CCDC60: variants seen among roughly 807,000 people sequenced by gnomAD.
CCDC60 encodes the protein coiled-coil domain-containing protein 60.
CCDC60 carries 54 observed loss-of-function variants against 63.5 expected under a neutral mutation model. The observed-to-expected ratio is 0.85, with a 90% CI of 0.68 to 1.07. The LOEUF is 1.07. CCDC60 is among the 50% of genes least tolerant of loss of function. CCDC60 has a pLI of 0.00. For synonymous variants in CCDC60, 206 were observed against 238.8 expected, an observed-to-expected ratio of 0.86 and a Z score of 1.27; for missense variants, 651 against 684.3, an observed-to-expected ratio of 0.95 and a Z score of 0.54.
intron 1 of CCDC60, among the ~76,000 whole-genome samples, chr12:119,345,071 G>A (rs1350065637): frequency 6.6e-6 from 1 of 152,116 alleles, no homozygotes; most frequent in Non-Finnish European, 1.5e-5. Flanking sequence ...AAACATGGTG[G>A]CTTTTTTGTT....
chr12:119,445,190 T>C (rs1328723453), intron 2 of CCDC60, among the ~76,000 whole-genome samples: 6 of 151,884 alleles, frequency 4.0e-5, no homozygotes, highest in African/African-American at 1.4e-4. Flanking sequence ...TCCCAGCAAT[T>C]TGGGAGGCCG....
chr12:119,481,235 A>C (rs1372333777), intron 4 of CCDC60, among the ~76,000 whole-genome samples: 1 of 152,166 alleles, frequency 6.6e-6, no homozygotes, highest in Non-Finnish European at 1.5e-5. Context: ...CTGGCAGCCT[A>C]AGCTTGATGT....
In CCDC60 at chr12:119,518,098, AT is replaced by A. The variant is rs539957478; in HGVS notation, c.968+1393del. ...CCTCGCCTCTGCTTGTGAATGATGA[AT>A]TCGCTGGCTGCTGCCTCAACTCTCA... On this transcript the variant is annotated intron_variant, in intron 8 of 13. Transcript: ENST00000327554. Among the ~76,000 whole-genome samples the A allele has an allele frequency of 4.6e-5, 7 of 152,270 alleles. No individual in the cohort carries two copies. In the East Asian group the frequency reaches 1.2e-3, roughly 25 times the overall value.
intron 1 of CCDC60, among the ~76,000 whole-genome samples, chr12:119,387,463 A>T (rs1956080682): frequency 6.6e-6 from 1 of 152,210 alleles, no homozygotes; most frequent in South Asian, 2.1e-4. Context: ...TTGTGTTGCT[A>T]AAAGGACAAA....
At chr12:119,416,833 A>G (rs1238493755) in intron 1 of CCDC60, among the ~76,000 whole-genome samples, 1 of 152,060 alleles carries the variant, frequency 6.6e-6, no homozygotes, top group Non-Finnish European at 1.5e-5. Flanking sequence ...TTATAAAGAG[A>G]TTCCCGGCCG....
At chr12:119,382,822 C>A (rs1170493205) in intron 1 of CCDC60, among the ~76,000 whole-genome samples, 2 of 152,134 alleles carry the variant, frequency 1.3e-5, no homozygotes, top group African/African-American at 4.8e-5. Flanking sequence ...ACATGCCGGG[C>A]CACCAAGCTG....
intron 1 of CCDC60, among the ~76,000 whole-genome samples, chr12:119,360,943 G>C (rs1052552965): frequency 6.6e-6 from 1 of 152,168 alleles, no homozygotes; most frequent in African/African-American, 2.4e-5. Context: ...AGACCAGCCC[G>C]GCCAACACAA....
At chr12:119,341,236 G>A (rs1487086002) in intron 1 of CCDC60, among the ~76,000 whole-genome samples, 1 of 152,130 alleles carries the variant, frequency 6.6e-6, no homozygotes, top group Non-Finnish European at 1.5e-5. Context: ...TGCAGGGAAG[G>A]AGTGTGTTCA....
chr12:119,415,971 C>T, intron 1 of CCDC60, among the ~76,000 whole-genome samples: 1 of 152,102 alleles, frequency 6.6e-6, no homozygotes, highest in East Asian at 1.9e-4. Context: ...GGGTACTGAG[C>T]TCTCCCACTT....
intron 1 of CCDC60, among the ~76,000 whole-genome samples, chr12:119,401,441 C>A (rs111648095): frequency 6.6e-6 from 1 of 152,198 alleles, no homozygotes; most frequent in Non-Finnish European, 1.5e-5. Flanking sequence ...GGCTGGGGAT[C>A]TACTGCAAGA....
chr12:119,402,414 A>G (rs1253170916), intron 1 of CCDC60: 5 of 152,118 alleles, frequency 3.3e-5, no homozygotes, highest in African/African-American at 1.2e-4. Context: ...AGCTTCTCTG[A>G]GTCTTAGATT....
chr12:119,421,553 T>C (rs1956813668), intron 1 of CCDC60, among the ~76,000 whole-genome samples: 2 of 152,200 alleles, frequency 1.3e-5, no homozygotes, highest in Admixed American at 1.3e-4. Context: ...GGAATAATAA[T>C]ATGGCAAGGA....
intron 1 of CCDC60, among the ~76,000 whole-genome samples, chr12:119,372,871 T>C (rs527709642): frequency 1.1e-4 from 16 of 152,332 alleles, no homozygotes; most frequent in Non-Finnish European, 7.3e-5. Context: ...ATTTCAATAG[T>C]GCATTAGGAA....
At chr12:119,459,793 T>A (rs987225518) in intron 2 of CCDC60, among the ~76,000 whole-genome samples, 3 of 152,206 alleles carry the variant, frequency 2.0e-5, no homozygotes, top group African/African-American at 7.2e-5. Flanking sequence ...ACCCAACCAA[T>A]TAGCATTCCC....
intron 4 of CCDC60, among the ~76,000 whole-genome samples, chr12:119,485,741 C>A (rs1002330508): frequency 6.6e-6 from 1 of 152,126 alleles, no homozygotes; most frequent in African/African-American, 2.4e-5. Flanking sequence ...CACAGTCACA[C>A]GCTGAGGTAC....
intron 1 of CCDC60, among the ~76,000 whole-genome samples, chr12:119,336,763 C>T (rs142826412): frequency 1.4e-4 from 21 of 152,264 alleles, no homozygotes; most frequent in Admixed American, 7.8e-4. Context: ...GTGATGTTAA[C>T]GCTGGATAAT....
intron 2 of CCDC60, among the ~76,000 whole-genome samples, chr12:119,449,580 A>G (rs1381888034): frequency 1.3e-5 from 2 of 152,248 alleles, no homozygotes; most frequent in Non-Finnish European, 2.9e-5. Flanking sequence ...CATTAAATTC[A>G]AGAATTTCAA....
At position 119,411,120 on chromosome 12, in the gene CCDC60, GCT is replaced by G. The variant is rs1277529664; in HGVS notation, c.91-17562_91-17561del. On this transcript the variant is annotated intron_variant, in intron 1 of 13. Coordinates refer to ENST00000327554, the MANE Select transcript of CCDC60 (RefSeq NM_178499.5). ...GACCAAGGGAAAACTGTGTTTTTATGCTAAGTCTGATGAGAAGAGTGGATAGT... is the reference window on the plus strand; with the variant it reads ...GACCAAGGGAAAACTGTGTTTTTATGAAGTCTGATGAGAAGAGTGGATAGT... Among the ~76,000 whole-genome samples the G allele has an allele frequency of 2.6e-5, 4 of 152,314 alleles. No homozygotes were observed. In the East Asian group the frequency reaches 5.8e-4, roughly 22 times the overall value.
chr12:119,488,981 T>C (rs1271224596), intron 5 of CCDC60, 115 bp downstream of exon 5: 2 of 818,714 alleles, frequency 2.4e-6, no homozygotes, highest in East Asian at 5.2e-5. Context: ...GCTGTTTCAG[T>C]TCCTCTTCTA....
Sources: gnomAD v4.1 joint callset for allele counts (sites outside exome capture counted in the v4.1 genomes callset) on GRCh38, gnomAD v4.1.1 for gene constraint, MANE v1.5 for transcripts, NCBI Gene and HGNC (gene_info 2026-07-23, HGNC 2026-07-21) for gene names.